RBFOX1: variants seen among roughly 807,000 people sequenced by gnomAD.
RBFOX1 encodes RNA binding protein fox-1 homolog 1.
RBFOX1 carries 8 observed loss-of-function variants against 57.7 expected under a neutral mutation model. That is an observed-to-expected ratio of 0.14 (90% confidence interval 0.08 to 0.25). The LOEUF (loss-of-function observed/expected upper bound fraction) is 0.25, where lower values mean the gene tolerates loss of function less well. Among genes scored for constraint, RBFOX1 ranks in the 10% least tolerant of loss-of-function variants. The pLI is 1.00. For synonymous variants in RBFOX1, 326 were observed against 222.4 expected (o/e 1.47, Z -4.15); for missense variants, 611 against 548.5 (o/e 1.11, Z -1.14).
At chr16:7,167,111 G>T (rs540663061) in intron 4 of RBFOX1, among the ~76,000 whole-genome samples, 36 of 150,676 alleles carry the variant, frequency 2.4e-4, no homozygotes, top group Middle Eastern at 3.4e-3. Flanking sequence ...TCAGCCTCCT[G>T]AGTAGCTGAG....
chr16:5,777,662 A>T (rs917536356), intron 3 of RBFOX1, among the ~76,000 whole-genome samples: 1 of 152,202 alleles, frequency 6.6e-6, no homozygotes, highest in African/African-American at 2.4e-5. Flanking sequence ...ACAACCAAAT[A>T]GGGTTGTTGT....
chr16:6,398,656 C>T (rs2152948968), intron 2 of RBFOX1, among the ~76,000 whole-genome samples: 1 of 152,350 alleles, frequency 6.6e-6, no homozygotes, highest in East Asian at 1.9e-4. Context: ...ACTTCCTGGT[C>T]ATGGTGATGC....
intron 3 of RBFOX1, among the ~76,000 whole-genome samples, chr16:6,882,569 C>G (rs1341100282): frequency 6.6e-6 from 1 of 151,998 alleles, no homozygotes; most frequent in Non-Finnish European, 1.5e-5. Flanking sequence ...GCACTGCAGC[C>G]TCGGTGGCAG....
At chr16:7,641,084 A>T (rs1307854781) in intron 11 of RBFOX1, among the ~76,000 whole-genome samples, 1 of 152,142 alleles carries the variant, frequency 6.6e-6, no homozygotes, top group African/African-American at 2.4e-5. Context: ...CTCTGGGTCT[A>T]CAGAGCTGGG....
intron 2 of RBFOX1, among the ~76,000 whole-genome samples, chr16:6,418,253 C>A (rs2093679102): frequency 6.6e-6 from 1 of 152,130 alleles, no homozygotes; most frequent in Non-Finnish European, 1.5e-5. Context: ...CAGTGAGTGG[C>A]CGGGTCTGGA....
intron 1 of RBFOX1, among the ~76,000 whole-genome samples, chr16:5,285,991 C>T (rs560452223): frequency 5.3e-5 from 8 of 152,112 alleles, no homozygotes; most frequent in South Asian, 2.1e-4. Context: ...GGGCTGGTCT[C>T]GAACTCCTCA....
At chr16:7,385,795 C>G (rs1004177529) in intron 4 of RBFOX1, among the ~76,000 whole-genome samples, 1 of 151,966 alleles carries the variant, frequency 6.6e-6, no homozygotes, top group Non-Finnish European at 1.5e-5. Context: ...GCTGTGTCAC[C>G]CAGGCTGGAG....
chr16:6,508,913 A>G (rs1441702757), intron 2 of RBFOX1, among the ~76,000 whole-genome samples: 1 of 152,178 alleles, frequency 6.6e-6, no homozygotes, highest in Non-Finnish European at 1.5e-5. Context: ...GTTATCATTA[A>G]TGGTATTCAT....
At chr16:5,704,637 G>A (rs1189102736) in intron 3 of RBFOX1, among the ~76,000 whole-genome samples, 5 of 152,226 alleles carry the variant, frequency 3.3e-5, no homozygotes, top group Non-Finnish European at 7.3e-5. Flanking sequence ...CGGATCTCAA[G>A]TTGAGTGGAA....
chr16:6,597,463 G>A (rs941362149), intron 2 of RBFOX1, among the ~76,000 whole-genome samples: 1 of 151,998 alleles, frequency 6.6e-6, no homozygotes, highest in Non-Finnish European at 1.5e-5. Context: ...CACAAGGTCA[G>A]GAGTTTGAGA....
chr16:6,555,008 CCTT>C (rs2097071366), intron 2 of RBFOX1, among the ~76,000 whole-genome samples: 1 of 152,114 alleles, frequency 6.6e-6, no homozygotes, highest in South Asian at 2.1e-4. Context: ...ATAAACCATT[CCTT>C]CTTAGCATGG....
chr16:5,469,879 A>G (rs1358670566), intron 2 of RBFOX1, among the ~76,000 whole-genome samples: 2 of 152,222 alleles, frequency 1.3e-5, no homozygotes, highest in African/African-American at 4.8e-5. Context: ...GCAAGACCAC[A>G]TGATTATCCA....
intron 3 of RBFOX1, among the ~76,000 whole-genome samples, chr16:6,857,528 T>C (rs569586784): frequency 6.6e-6 from 1 of 152,336 alleles, no homozygotes; most frequent in South Asian, 2.1e-4. Context: ...AATTACTATT[T>C]GGTCCTTTTT....
In RBFOX1 at chr16:7,139,590, A is replaced by G. The variant is rs183352507; in HGVS notation, c.27+87492A>G. 9.2e-5 allele frequency among the ~76,000 whole-genome samples: 14 copies of G among 152,182 alleles called. No homozygotes were observed. In the East Asian group the frequency reaches 2.3e-3, roughly 25 times the overall value. On this transcript the variant is annotated intron_variant, in intron 4 of 15. Coordinates refer to ENST00000550418, the MANE Select transcript of RBFOX1 (RefSeq NM_018723.4). ...GGTAAGGGTAACTTCTACTACTACT[A>G]CTTTTATCAGCAATGGTGAGGAAAG...
At chr16:7,189,041 C>A (rs894446040) in intron 4 of RBFOX1, among the ~76,000 whole-genome samples, 3 of 151,942 alleles carry the variant, frequency 2.0e-5, no homozygotes, top group Non-Finnish European at 4.4e-5. Flanking sequence ...GGAGGTGATA[C>A]GGAGTGATTT....
intron 4 of RBFOX1, among the ~76,000 whole-genome samples, chr16:7,452,417 C>T (rs1004037125): frequency 6.6e-6 from 1 of 152,200 alleles, no homozygotes; most frequent in Admixed American, 6.5e-5. Flanking sequence ...TGGCCAGTTG[C>T]TTCATATTCC....
At chr16:6,811,399 C>A (rs962084574) in intron 3 of RBFOX1, among the ~76,000 whole-genome samples, 3 of 152,164 alleles carry the variant, frequency 2.0e-5, no homozygotes, top group East Asian at 3.9e-4. Flanking sequence ...AGCTAGATAA[C>A]ATTGAATATT....
intron 3 of RBFOX1, among the ~76,000 whole-genome samples, chr16:7,017,044 T>C (rs530981131): frequency 1.8e-4 from 27 of 152,344 alleles, no homozygotes; most frequent in Admixed American, 1.2e-3. Context: ...CTTCAGCCTC[T>C]TTCTCTTTTT....
intron 1 of RBFOX1, among the ~76,000 whole-genome samples, chr16:6,202,201 C>T (rs2097219859): frequency 6.6e-6 from 1 of 152,146 alleles, no homozygotes; most frequent in Non-Finnish European, 1.5e-5. Context: ...TTTTGCTTTA[C>T]ACATTTATTT....
Sources: gnomAD v4.1 joint callset for allele counts (sites outside exome capture counted in the v4.1 genomes callset) on GRCh38, gnomAD v4.1.1 for gene constraint, MANE v1.5 for transcripts, NCBI Gene and HGNC (gene_info 2026-07-23, HGNC 2026-07-21) for gene names.